Variants in CNKSR2 observed in about 807,000 individuals in gnomAD.
The protein encoded by CNKSR2 is CNK homolog protein 2.
In CNKSR2, 14 loss-of-function variants were observed where a neutral mutation model predicts 84.4. That is an observed-to-expected ratio of 0.17 (90% CI 0.11 to 0.26). CNKSR2 has a LOEUF of 0.26. CNKSR2 is among the 10% of genes least tolerant of loss of function. CNKSR2 has a pLI of 1.00. For synonymous variants in CNKSR2, 275 were observed against 277.9 expected, an observed-to-expected ratio of 0.99 and a Z score of 0.10; for missense variants, 485 against 771.2, an observed-to-expected ratio of 0.63 and a Z score of 4.40.
chrX:21,381,679 A>G (rs1215780807), intron 1 of CNKSR2, among the ~76,000 whole-genome samples: 4 of 112,206 alleles, frequency 3.6e-5, no homozygotes, highest in Non-Finnish European at 7.5e-5. Context: ...GCCATTGCCT[A>G]TGAGGTAAGC....
chrX:21,440,760 G>T lies in CNKSR2; in HGVS notation c.498G>T (p.Glu166Asp). 8.5e-7 allele frequency: 1 copy of T among 1,180,527 alleles called. No homozygotes were observed. The highest frequency in any genetic ancestry group is 3.0e-5 in the East Asian group (1 of 33,143). The change falls in exon 4 of 22, where the codon GAG becomes GAT. Residue 166 changes from glutamate (E) to aspartate (D), a missense_variant. Physicochemically the swap from Glu to Asp is conservative, Grantham distance 45. Around this residue, in one of 5 missense-constraint regions of CNKSR2, gnomAD observed 109 missense variants for 197.5 expected, o/e 0.55. Transcript: ENST00000379510. ...TRNNVIQLCLELTTIVQQDCT... is the reference protein window; with the variant it reads ...TRNNVIQLCLDLTTIVQQDCT... ...ATAATGTCATACAACTCTGCCTGGA[G>T]TTAACAACAATTGTGCAACAGGTAT...
At chrX:21,652,218 T>G (rs2092722590) in intron 21 of CNKSR2, 88 bp from the exon 22 acceptor site, 2 of 743,752 alleles carry the variant, frequency 2.7e-6, no homozygotes, top group Non-Finnish European at 4.0e-6. Flanking sequence ...CCTATGGGCT[T>G]CTTAAATGTT....
At chrX:21,402,036 G>T (rs1451293324) in intron 1 of CNKSR2, among the ~76,000 whole-genome samples, 2 of 110,984 alleles carry the variant, frequency 1.8e-5, no homozygotes, top group Non-Finnish European at 3.8e-5. Context: ...CAAACATATG[G>T]TCTCTCAAAT....
intron 10 of CNKSR2, among the ~76,000 whole-genome samples, chrX:21,530,427 T>G (rs2091875296): frequency 9.0e-6 from 1 of 111,053 alleles, no homozygotes; most frequent in South Asian, 3.8e-4. Context: ...AATACAGGCT[T>G]TTGCCAGACT....
At chrX:21,471,893 C>A (rs2091202094) in intron 5 of CNKSR2, among the ~76,000 whole-genome samples, 1 of 111,931 alleles carries the variant, frequency 8.9e-6, no homozygotes, top group East Asian at 2.8e-4. Context: ...TAGAAAGACA[C>A]TAATATTTAT....
At chrX:21,498,620 A>C (rs1223365477) in intron 7 of CNKSR2, among the ~76,000 whole-genome samples, 6 of 112,124 alleles carry the variant, frequency 5.4e-5, no homozygotes, top group African/African-American at 1.3e-4. Context: ...AATGAAAATT[A>C]AATAAGCTAA....
At chrX:21,601,228 A>G (rs2092479785) in intron 17 of CNKSR2, 54 bp from the exon 18 acceptor site, 1 of 725,571 alleles carries the variant, frequency 1.4e-6, no homozygotes, top group African/African-American at 2.1e-5. Flanking sequence ...TCTAGGAAGT[A>G]AAATATAAGA....
chrX:21,480,392 A>G (rs1317615669), intron 5 of CNKSR2, among the ~76,000 whole-genome samples: 1 of 112,213 alleles, frequency 8.9e-6, no homozygotes, highest in Non-Finnish European at 1.9e-5. Flanking sequence ...TGCTATTTGA[A>G]TATAAAATCC....
intron 6 of CNKSR2, among the ~76,000 whole-genome samples, chrX:21,495,892 C>T (rs1298370813): frequency 1.9e-5 from 2 of 103,766 alleles, no homozygotes; most frequent in African/African-American, 7.2e-5. Flanking sequence ...GATTCCATTC[C>T]GAGAAATGCA....
At position 21,387,766 on chromosome X, in the gene CNKSR2, G is replaced by C. The variant is rs112900848; in HGVS notation, c.64+12805G>C. ...AAATTCAGATAATATAACCTACCTAGTCACATAATTTTTTTAAAACTCACT... is the reference window on the plus strand; with the variant it reads ...AAATTCAGATAATATAACCTACCTACTCACATAATTTTTTTAAAACTCACT... On this transcript the variant is annotated intron_variant, in intron 1 of 21. Coordinates refer to ENST00000379510, the MANE Select transcript of CNKSR2 (RefSeq NM_014927.5). 7.4e-3 allele frequency among the ~76,000 whole-genome samples: 816 copies of C among 110,498 alleles called. 6 individuals carry two copies. Among genetic ancestry groups the C allele is most frequent in the Non-Finnish European group, 0.012 (658 of 52,832 alleles).
At chrX:21,454,986 C>A (rs1367702808) in intron 4 of CNKSR2, among the ~76,000 whole-genome samples, 3 of 111,383 alleles carry the variant, frequency 2.7e-5, no homozygotes, top group Non-Finnish European at 3.8e-5. Flanking sequence ...ATATGGAAAC[C>A]TGTGGATCAG....
At chrX:21,647,178 T>C (rs2092708684) in intron 20 of CNKSR2, among the ~76,000 whole-genome samples, 1 of 112,298 alleles carries the variant, frequency 8.9e-6, no homozygotes, top group Non-Finnish European at 1.9e-5. Context: ...AACTTAGATA[T>C]ATGGTTAAGA....
chrX:21,580,208 TA>T (rs1174173498), intron 13 of CNKSR2, among the ~76,000 whole-genome samples: 1 of 112,051 alleles, frequency 8.9e-6, no homozygotes, highest in Non-Finnish European at 1.9e-5. Flanking sequence ...TTTTATAAAA[TA>T]AATTGCATAT....
rs1316493460 is a variant in CNKSR2 at position 21,609,436 on chromosome X, A to C, written c.2511A>C (p.Gly837=). Reference sequence around the variant, plus strand: ...GTGAGAGGATGCAAGTGCTAAATGGAAATGGGGGCAAGCCTCGAAGTTTTA... The same window carrying C: ...GTGAGAGGATGCAAGTGCTAAATGGCAATGGGGGCAAGCCTCGAAGTTTTA... The part of the protein sequence containing the change: ...AESERMQVLN[G]NGGKPRSFTL... The change falls in exon 20 of 22, where the codon GGA becomes GGC. Residue 837 remains glycine, a synonymous_variant. Transcript: ENST00000379510. 8.3e-7 allele frequency: 1 copy of C among 1,210,852 alleles called. No homozygotes were observed. The highest frequency in any genetic ancestry group is 1.1e-6 in the Non-Finnish European group (1 of 895,290).
chrX:21,585,645 G>A (rs1180876271), intron 13 of CNKSR2, among the ~76,000 whole-genome samples: 1 of 110,921 alleles, frequency 9.0e-6, no homozygotes, highest in Non-Finnish European at 1.9e-5. Context: ...GATATCATGA[G>A]CTCAGTTTTG....
At chrX:21,533,282 G>T (rs1192275081) in intron 11 of CNKSR2, among the ~76,000 whole-genome samples, 6 of 109,811 alleles carry the variant, frequency 5.5e-5, no homozygotes, top group Non-Finnish European at 1.1e-4. Flanking sequence ...AGAGTATAGA[G>T]GCCTGTAATC....
At position 21,439,731 on chromosome X, in the gene CNKSR2, A is replaced by C. The variant is rs971180977; in HGVS notation, c.432-963A>C. Among the ~76,000 whole-genome samples, 9 of 110,848 alleles carry C rather than the reference A, an allele frequency of 8.1e-5. No homozygotes were observed. In the Admixed American group the frequency reaches 8.7e-4, roughly 11 times the overall value. On this transcript the variant is annotated intron_variant, in intron 3 of 21. Coordinates refer to ENST00000379510, the MANE Select transcript of CNKSR2 (RefSeq NM_014927.5). ...ACTAAAACAACCCAAAATGAAATAG[A>C]TACTCTGAATAATCCCATAACTATT...
chrX:21,617,109 G>A (rs1355945283), intron 20 of CNKSR2, among the ~76,000 whole-genome samples: 1 of 111,063 alleles, frequency 9.0e-6, no homozygotes, highest in Non-Finnish European at 1.9e-5. Context: ...TTTATGTTAT[G>A]TTATTTTTTT....
intron 11 of CNKSR2, among the ~76,000 whole-genome samples, chrX:21,541,556 C>A (rs2091977174): frequency 1.8e-5 from 2 of 111,325 alleles, no homozygotes; most frequent in African/African-American, 6.5e-5. Context: ...CCTTCAATAT[C>A]ATTTTGTTAT....
Sources: gnomAD v4.1 joint callset for allele counts (sites outside exome capture counted in the v4.1 genomes callset) on GRCh38, gnomAD v4.1.1 for gene constraint, gnomAD v4.1.1 regional missense constraint, MANE v1.5 for transcripts, NCBI Gene and HGNC (gene_info 2026-07-23, HGNC 2026-07-21) for gene names.